The following CLCN1 variants were observed in gnomAD, a reference collection of about 807,000 sequenced individuals.
CLCN1 encodes the protein chloride channel protein 1.
Under a neutral mutation model 114.5 loss-of-function variants are expected in CLCN1, and 100 were observed. That is an observed-to-expected ratio of 0.87 (90% CI 0.74 to 1.03). The LOEUF (loss-of-function observed/expected upper bound fraction) is 1.03. CLCN1 is among the 50% of genes least tolerant of loss of function. The pLI is 0.00. For missense variants in CLCN1, 1,188 were observed against 1,250.0 expected, an observed-to-expected ratio of 0.95 and a Z score of 0.75; for synonymous variants, 485 against 487.1, an observed-to-expected ratio of 1.00 and a Z score of 0.06.
At chr7:143,349,645 T>C (rs974476431) in intron 20 of CLCN1, among the ~76,000 whole-genome samples, 3 of 152,216 alleles carry the variant, frequency 2.0e-5, no homozygotes, top group Non-Finnish European at 4.4e-5. Flanking sequence ...AAACTGGCTT[T>C]GCTCAAGTCA....
Position 143,329,821 on chromosome 7 carries a change from T to C in CLCN1, c.854-951T>C, listed in dbSNP as rs190405877. 8.8e-4 allele frequency among the ~76,000 whole-genome samples: 134 copies of C among 152,306 alleles called. 2 individuals carry two copies. Among genetic ancestry groups the C allele is most frequent in the Middle Eastern group, 3.4e-3 (1 of 294 alleles). Reference sequence around the variant, plus strand: ...CTTAGCCAGGTTTTAGGTAATTTTGTCATCAATTTTTACTTTGCATCAGAT... The same window carrying C: ...CTTAGCCAGGTTTTAGGTAATTTTGCCATCAATTTTTACTTTGCATCAGAT... On this transcript the variant is annotated intron_variant, in intron 7 of 22. Transcript: ENST00000343257.
chr7:143,332,630 C>G, intron 11 of CLCN1, 94 bp from the exon 12 acceptor site: 1 of 1,550,652 alleles, frequency 6.4e-7, no homozygotes, highest in Non-Finnish European at 8.9e-7. Context: ...GCAAAAGAGA[C>G]CCTTGAATAA....
intron 7 of CLCN1, among the ~76,000 whole-genome samples, chr7:143,329,743 G>A (rs1404595790): frequency 6.6e-6 from 1 of 152,184 alleles, no homozygotes; most frequent in Admixed American, 6.5e-5. Flanking sequence ...ATCCAATTAT[G>A]TGCGTGGTTG....
rs1363584242 is a variant in CLCN1 at position 143,324,673 on chromosome 7, C to CCT, written c.853+182_853+183insTC. On this transcript the variant is annotated intron_variant, in intron 7 of 22. Coordinates refer to ENST00000343257, the MANE Select transcript of CLCN1 (RefSeq NM_000083.3). The surrounding 1 kb of genome is among the most constrained non-coding windows in gnomAD (Gnocchi z 4.6). Reference sequence around the variant, plus strand: ...CACTTACTTTTATTCCTGGCCAAAGCCATATGAGACAGATATTACAGAGGA... The same window carrying CCT: ...CACTTACTTTTATTCCTGGCCAAAGCCTCATATGAGACAGATATTACAGAGGA... Among the ~76,000 whole-genome samples the CCT allele has an allele frequency of 6.6e-6, 1 of 152,146 alleles. No homozygotes were observed. The highest frequency in any genetic ancestry group is 1.5e-5 in the Non-Finnish European group (1 of 68,040).
intron 12 of CLCN1, among the ~76,000 whole-genome samples, chr7:143,335,938 G>A (rs140674872): frequency 0.024 from 3,658 of 152,102 alleles, 143 homozygotes; most frequent in African/African-American, 0.082. Flanking sequence ...GGGATTACAG[G>A]CGTGAGCCAC....
At chr7:143,326,444 T>C (rs1399685037) in intron 7 of CLCN1, among the ~76,000 whole-genome samples, 2 of 152,166 alleles carry the variant, frequency 1.3e-5, no homozygotes, top group East Asian at 1.9e-4. Flanking sequence ...TACCAGGCCC[T>C]GTGTTGGATC....
rs201850090 is a variant in CLCN1, at chr7:143,342,009, C to T, written c.1663C>T (p.His555Tyr). ...ICFELTGQIAHILPMMVAVIL... is the reference protein window; with the variant it reads ...ICFELTGQIAYILPMMVAVIL... ...CTTCGAATTAACGGGTCAGATTGCT[C>T]ACATCCTGCCCATGATGGTGGCTGT... Residue 555 changes from histidine to tyrosine, a missense_variant, in exon 15 of 23, where the codon CAC becomes TAC. By Grantham distance (83) the His-to-Tyr change is moderately conservative. Transcript: ENST00000343257. The T allele has an allele frequency of 1.4e-5, 22 of 1,614,208 alleles. No individual in the cohort carries two copies. The East Asian group carries it at 4.9e-4, about 36-fold the overall frequency.
At chr7:143,347,258 G>T (rs1228326642) in intron 20 of CLCN1, among the ~76,000 whole-genome samples, 1 of 152,138 alleles carries the variant, frequency 6.6e-6, no homozygotes, top group African/African-American at 2.4e-5. Context: ...ATCAGGCAAA[G>T]CTTTAATGGA....
chr7:143,342,734 C>T (rs568759632), intron 16 of CLCN1, among the ~76,000 whole-genome samples: 12 of 152,036 alleles, frequency 7.9e-5, no homozygotes, highest in South Asian at 2.1e-4. Context: ...TTTGGGAGGC[C>T]GAGGTGGGCA....
chr7:143,331,039 T>C (rs1802709732), intron 8 of CLCN1, 142 bp downstream of exon 8: 1 of 1,307,768 alleles, frequency 7.6e-7, no homozygotes, highest in East Asian at 2.3e-5. Context: ...CAAGGGTGTA[T>C]GACAAAGATA....
rs771270326 is a variant in CLCN1, at chr7:143,339,209, T to G, written c.1402-44T>G. ...AAGGGAATTGTGTGTGCATGTCTAT[T>G]GGGCAGAGTTGAAAGGGTATTCCAA... On this transcript the variant is annotated intron_variant, in intron 12 of 22. Coordinates refer to ENST00000343257, the MANE Select transcript of CLCN1 (RefSeq NM_000083.3). This position sits in a 1 kb window ranked among gnomAD's most constrained non-coding sequence, Gnocchi z 4.1. 8.0e-7 allele frequency: 1 copy of G among 1,250,886 alleles called. No individual in the cohort carries two copies. The highest frequency in any genetic ancestry group is 1.2e-6 in the Non-Finnish European group (1 of 849,046). 77.5% of individuals were successfully genotyped at this position (1,250,886 alleles called of 1,614,324 possible).
chr7:143,316,422 A>G (rs369067672), intron 1 of CLCN1, 30 bp downstream of exon 1: 11 of 1,598,400 alleles, frequency 6.9e-6, no homozygotes, highest in African/African-American at 1.3e-5. Flanking sequence ...GAGGGGAGCC[A>G]TGGATGAGGG....
At position 143,350,560 on chromosome 7, in the gene CLCN1, A is replaced by T. The variant is rs1803366596; in HGVS notation, c.2509-8A>T. 1 of 1,613,710 alleles carries T rather than the reference A, an allele frequency of 6.2e-7. No individual in the cohort carries two copies. The highest frequency in any genetic ancestry group is 1.1e-5 in the South Asian group (1 of 91,080). ...GAACATGCACTGACCTGTGCTCTTC[A>T]TCCTCAGACTCATACCCTGTTTTCA... On this transcript the variant is annotated splice_polypyrimidine_tract_variant and splice_region_variant and intron_variant, in intron 21 of 22. Transcript: ENST00000343257. The surrounding 1 kb of genome is among the most constrained non-coding windows in gnomAD (Gnocchi z 5.1).
At chr7:143,332,540 C>T in intron 11 of CLCN1, 37 bp downstream of exon 11, 1 of 1,559,370 alleles carries the variant, frequency 6.4e-7, no homozygotes, top group Non-Finnish European at 8.8e-7. Context: ...AAAGAGGAAA[C>T]AGCACAGATA....
chr7:143,317,392 G>A (rs2116831232), intron 1 of CLCN1, among the ~76,000 whole-genome samples: 1 of 151,902 alleles, frequency 6.6e-6, no homozygotes, highest in Non-Finnish European at 1.5e-5. Flanking sequence ...GGGATTACAA[G>A]CACCTGCCAC....
chr7:143,331,086 T>C, intron 8 of CLCN1, 146 bp from the exon 9 acceptor site: 2 of 1,040,288 alleles, frequency 1.9e-6, no homozygotes, highest in Non-Finnish European at 3.0e-6. Flanking sequence ...CATGGAGGAG[T>C]GTGCGTAGAA....
In CLCN1 at chr7:143,322,816, C is replaced by T. The variant is rs554326526; in HGVS notation, c.697-493C>T. 1.0e-3 allele frequency among the ~76,000 whole-genome samples: 157 copies of T among 152,380 alleles called. 2 individuals carry two copies. Among genetic ancestry groups the T allele is most frequent in the Non-Finnish European group, 8.4e-4 (57 of 68,046 alleles). The stretch of plus-strand genomic sequence containing the variant: ...GATTACAGGCGTGCGCCACCGCGCC[C>T]GGCCTTATCAGAACTTCTTGCGTGG... On this transcript the variant is annotated intron_variant, in intron 5 of 22. Coordinates refer to ENST00000343257, the MANE Select transcript of CLCN1 (RefSeq NM_000083.3).
At chr7:143,351,448 TTC>T in intron 22 of CLCN1, 144 bp from the exon 23 acceptor site, 2 of 818,786 alleles carry the variant, frequency 2.4e-6, no homozygotes, top group Non-Finnish European at 3.8e-6. Context: ...TGTTTTCTGT[TTC>T]TCTTTCTCCC....
intron 7 of CLCN1, among the ~76,000 whole-genome samples, chr7:143,326,197 T>C (rs1007861550): frequency 8.1e-5 from 12 of 148,980 alleles, no homozygotes; most frequent in African/African-American, 3.1e-4. Context: ...TTTGTATTTT[T>C]AGTAGAGACA....
Sources: allele counts gnomAD v4.1 joint callset (sites outside exome capture counted in the v4.1 genomes callset), GRCh38; gene constraint gnomAD v4.1.1; non-coding constraint Gnocchi (gnomAD v3.1); transcripts MANE v1.5; gene names NCBI Gene and HGNC (gene_info 2026-07-23, HGNC 2026-07-21).